The following ADGRL3 variants were observed in gnomAD, a reference collection of about 807,000 sequenced individuals.
ADGRL3 encodes the protein calcium-independent alpha-latrotoxin receptor 3.
In ADGRL3, 62 loss-of-function variants were observed where a neutral mutation model predicts 153.5. The observed-to-expected ratio is 0.40, with a 90% CI of 0.33 to 0.50. ADGRL3 has a LOEUF of 0.50. ADGRL3 is among the 20% of genes least tolerant of loss of function. ADGRL3 has a pLI of 0.47. For synonymous variants in ADGRL3, 710 were observed against 672.5 expected (o/e 1.06, Z -0.86); for missense variants, 1,641 against 1,859.4 (o/e 0.88, Z 2.16).
chr4:62,018,414 G>A (rs1376944227), intron 21 of ADGRL3, among the ~76,000 whole-genome samples: 2 of 152,246 alleles, frequency 1.3e-5, no homozygotes, highest in Non-Finnish European at 1.5e-5. Context: ...AAGAGACTCA[G>A]TTTCATTGAA....
chr4:61,891,138 T>G (rs2098580810), intron 9 of ADGRL3, among the ~76,000 whole-genome samples: 1 of 152,220 alleles, frequency 6.6e-6, no homozygotes, highest in Non-Finnish European at 1.5e-5. Flanking sequence ...ATTGCCATTT[T>G]GCTCTGCTAC....
intron 1 of ADGRL3, among the ~76,000 whole-genome samples, chr4:61,256,959 A>AAC (rs919895335): frequency 1.3e-5 from 2 of 152,144 alleles, no homozygotes; most frequent in African/African-American, 4.8e-5. Context: ...GCACATACTT[A>AAC]ACACACACAC....
chr4:61,762,065 A>G (rs2096919452), intron 8 of ADGRL3, among the ~76,000 whole-genome samples: 2 of 152,226 alleles, frequency 1.3e-5, no homozygotes, highest in Admixed American at 1.3e-4. Context: ...AATTGTGAAC[A>G]TTTTCAGAGA....
chr4:61,386,385 T>A (rs868273692), intron 2 of ADGRL3, among the ~76,000 whole-genome samples: 3 of 152,154 alleles, frequency 2.0e-5, no homozygotes, highest in Non-Finnish European at 4.4e-5. Flanking sequence ...TTCTAAGTGA[T>A]TAAACTTGTC....
chr4:61,767,263 G>A (rs1321168958), intron 8 of ADGRL3, among the ~76,000 whole-genome samples: 3 of 151,908 alleles, frequency 2.0e-5, no homozygotes, highest in Non-Finnish European at 4.4e-5. Context: ...TAGTTAAAGT[G>A]TCTCAGCCTA....
At position 61,449,430 on chromosome 4, in the gene ADGRL3, C is replaced by T. The variant is rs144345226; in HGVS notation, c.-173-47691C>T. On this transcript the variant is annotated intron_variant, in intron 2 of 26. Coordinates refer to ENST00000683033, the MANE Select transcript of ADGRL3 (RefSeq NM_001387552.1). ...GATTACAGGCATGAGCCACCACGCC[C>T]GGCCTATTTTTTCCATTTTTTTTTT... 9.5e-3 allele frequency among the ~76,000 whole-genome samples: 1,443 copies of T among 151,988 alleles called. 26 individuals carry two copies. Among genetic ancestry groups the T allele is most frequent in the African/African-American group, 0.03 (1,247 of 41,454 alleles).
At chr4:61,311,357 G>A (rs1279698881) in intron 1 of ADGRL3, among the ~76,000 whole-genome samples, 1 of 152,148 alleles carries the variant, frequency 6.6e-6, no homozygotes, top group Non-Finnish European at 1.5e-5. Flanking sequence ...AAAATACTGG[G>A]AGCTGTATTT....
At chr4:62,061,165 C>T (rs907887516) in intron 25 of ADGRL3, among the ~76,000 whole-genome samples, 1 of 151,830 alleles carries the variant, frequency 6.6e-6, no homozygotes, top group Non-Finnish European at 1.5e-5. Flanking sequence ...ACCCACACTT[C>T]CCTTCTCATT....
chr4:61,390,080 CT>C (rs2096784712), intron 2 of ADGRL3, among the ~76,000 whole-genome samples: 1 of 152,046 alleles, frequency 6.6e-6, no homozygotes, highest in Admixed American at 6.6e-5. Context: ...GTGTGTATAG[CT>C]TTTCTCACTA....
intron 2 of ADGRL3, among the ~76,000 whole-genome samples, chr4:61,488,279 A>T (rs983527182): frequency 1.3e-5 from 2 of 152,030 alleles, no homozygotes; most frequent in African/African-American, 4.8e-5. Context: ...ACTTAGCATC[A>T]AGTTATGTAT....
At chr4:61,765,978 T>G (rs1050272132) in intron 8 of ADGRL3, among the ~76,000 whole-genome samples, 1 of 152,154 alleles carries the variant, frequency 6.6e-6, no homozygotes, top group Non-Finnish European at 1.5e-5. Context: ...GGCGGGCTAG[T>G]GGCTTGTACT....
rs140300573 is a variant in ADGRL3, at chr4:61,266,482, A to G, written c.-240+64717A>G. ...AATTTTAACATCACTTCTATTGAAA[A>G]AAGAGATTTATCATGTATTGCTTTG... On this transcript the variant is annotated intron_variant, in intron 1 of 26. Transcript: ENST00000683033. Among the ~76,000 whole-genome samples the G allele has an allele frequency of 5.4e-3, 819 of 151,920 alleles. 6 individuals are homozygous for G. Among genetic ancestry groups the G allele is most frequent in the African/African-American group, 0.019 (792 of 41,530 alleles).
intron 1 of ADGRL3, among the ~76,000 whole-genome samples, chr4:61,358,993 C>A (rs1017142974): frequency 3.9e-5 from 6 of 152,154 alleles, no homozygotes; most frequent in African/African-American, 1.4e-4. Flanking sequence ...TCCACTCACA[C>A]CCCTAAAAAT....
intron 1 of ADGRL3, among the ~76,000 whole-genome samples, chr4:61,238,633 T>C (rs188696487): frequency 1.3e-5 from 2 of 152,188 alleles, no homozygotes; most frequent in African/African-American, 4.8e-5. Flanking sequence ...GACTTGGAGT[T>C]TTCCTTCAGG....
intron 2 of ADGRL3, among the ~76,000 whole-genome samples, chr4:61,387,047 G>C (rs191395674): frequency 6.6e-6 from 1 of 152,086 alleles, no homozygotes; most frequent in Non-Finnish European, 1.5e-5. Context: ...TTTCCTAAGC[G>C]TTGGCCGCCT....
At chr4:61,583,705 C>T in intron 4 of ADGRL3, 1 of 518,466 alleles carries the variant, frequency 1.9e-6, no homozygotes, top group Non-Finnish European at 3.9e-6. Flanking sequence ...GTGAGTAGTT[C>T]CAAAGTGTGG....
chr4:61,980,840 T>C (rs2099065712), intron 18 of ADGRL3, among the ~76,000 whole-genome samples: 1 of 152,194 alleles, frequency 6.6e-6, no homozygotes, highest in African/African-American at 2.4e-5. Flanking sequence ...TCCCGTTGTC[T>C]GATGTACCAC....
intron 4 of ADGRL3, among the ~76,000 whole-genome samples, chr4:61,538,600 C>T (rs188002288): frequency 8.6e-4 from 131 of 152,064 alleles, no homozygotes; most frequent in African/African-American, 2.5e-3. Flanking sequence ...CCACCACGCC[C>T]GGCTAATTTT....
intron 8 of ADGRL3, among the ~76,000 whole-genome samples, chr4:61,769,160 G>A (rs1238710867): frequency 2.6e-5 from 4 of 152,240 alleles, no homozygotes; most frequent in Non-Finnish European, 5.9e-5. Flanking sequence ...TGTATAATCA[G>A]AGAGGCGTCC....
Sources: allele counts gnomAD v4.1 joint callset (sites outside exome capture counted in the v4.1 genomes callset), GRCh38; gene constraint gnomAD v4.1.1; transcripts MANE v1.5; gene names NCBI Gene and HGNC (gene_info 2026-07-23, HGNC 2026-07-21).